The following SNX30 variants were observed in gnomAD, a reference collection of about 807,000 sequenced individuals.
SNX30 encodes sorting nexin family member 30.
Under a neutral mutation model 46.4 loss-of-function variants are expected in SNX30, and 24 were observed. The observed-to-expected ratio is 0.52, with a 90% CI of 0.37 to 0.73. The LOEUF (loss-of-function observed/expected upper bound fraction) is 0.73. SNX30 is among the 30% of genes least tolerant of loss of function. The pLI is 0.00. For missense variants in SNX30, 533 were observed against 555.7 expected (o/e 0.96, Z 0.41); for synonymous variants, 189 against 211.5 (o/e 0.89, Z 0.92).
chr9:112,823,567 A>G (rs1840537643), intron 3 of SNX30, among the ~76,000 whole-genome samples: 1 of 152,170 alleles, frequency 6.6e-6, no homozygotes, highest in African/African-American at 2.4e-5. Flanking sequence ...TTGAATAAAC[A>G]CTTGAGTGTT....
At chr9:112,791,041 A>G (rs1840011134) in intron 1 of SNX30, among the ~76,000 whole-genome samples, 1 of 152,062 alleles carries the variant, frequency 6.6e-6, no homozygotes, top group Non-Finnish European at 1.5e-5. Flanking sequence ...TACATTTTTT[A>G]TTGTTTTATT....
At chr9:112,797,576 T>C (rs1054245055) in intron 1 of SNX30, among the ~76,000 whole-genome samples, 3 of 152,116 alleles carry the variant, frequency 2.0e-5, no homozygotes, top group Non-Finnish European at 4.4e-5. Context: ...GATTCCTTAA[T>C]ATCAATATTC....
At chr9:112,818,720 T>C (rs1840444114) in intron 3 of SNX30, among the ~76,000 whole-genome samples, 1 of 152,190 alleles carries the variant, frequency 6.6e-6, no homozygotes, top group Admixed American at 6.5e-5. Flanking sequence ...CTACCAACTT[T>C]CTGTTACTAC....
intron 3 of SNX30, among the ~76,000 whole-genome samples, chr9:112,822,015 G>A (rs1840506814): frequency 6.6e-6 from 1 of 152,074 alleles, no homozygotes; most frequent in South Asian, 2.1e-4. Context: ...TTGGGCTCAA[G>A]TGATCTTCCC....
At chr9:112,750,325 A>G (rs568440216), upstream of SNX30, 3 of 152,056 alleles carry the variant, frequency 2.0e-5, no homozygotes, top group Non-Finnish European at 4.4e-5. Flanking sequence ...CCTTTATGCT[A>G]TTCTTCCGAT....
At chr9:112,796,667 T>C (rs1840113261) in intron 1 of SNX30, among the ~76,000 whole-genome samples, 1 of 152,142 alleles carries the variant, frequency 6.6e-6, no homozygotes, top group Non-Finnish European at 1.5e-5. Flanking sequence ...ATTACAGTTT[T>C]TTTGATATTG....
intron 7 of SNX30, among the ~76,000 whole-genome samples, chr9:112,856,419 G>C: frequency 6.7e-6 from 1 of 149,854 alleles, no homozygotes; most frequent in Non-Finnish European, 1.5e-5. Flanking sequence ...GTGTGTGTGG[G>C]GTATGTAGTG....
intron 2 of SNX30, among the ~76,000 whole-genome samples, chr9:112,806,921 TC>T (rs1296238763): frequency 6.6e-6 from 1 of 152,200 alleles, no homozygotes; most frequent in East Asian, 1.9e-4. Context: ...CTTTCCATGT[TC>T]ATATGACCAT....
Position 112,805,896 on chromosome 9 carries a change from G to A in SNX30, c.348+929G>A, listed in dbSNP as rs200311414. On this transcript the variant is annotated intron_variant, in intron 2 of 8. Transcript: ENST00000374232. Reference sequence around the variant, plus strand: ...GTAACCAGGATTCTAATTTGAATTTGTAGGACTATACAGCCTATATTTTAA... The same window carrying A: ...GTAACCAGGATTCTAATTTGAATTTATAGGACTATACAGCCTATATTTTAA... 1.4e-4 allele frequency among the ~76,000 whole-genome samples: 21 copies of A among 152,334 alleles called. No homozygotes were observed. The East Asian group carries it at 4.0e-3, about 29-fold the overall frequency.
downstream of SNX30, chr9:112,885,428 A>G (rs1321253807): frequency 4.9e-5 from 4 of 81,544 alleles, no homozygotes; most frequent in Admixed American, 1.7e-4. Context: ...GTGTGTGTAT[A>G]TATATATATG....
At position 112,774,483 on chromosome 9, in the gene SNX30, A is replaced by G. The variant is rs143744395; in HGVS notation, c.156+23326A>G. On this transcript the variant is annotated intron_variant, in intron 1 of 8. Transcript: ENST00000374232. ...AGAATAGACAAATTCCTAGAAAGAC[A>G]CAAATAAAGCTGCCGTGATCATTCA... Among the ~76,000 whole-genome samples the G allele has an allele frequency of 1.4e-3, 220 of 152,350 alleles. 1 individual carries two copies. The highest frequency in any genetic ancestry group is 6.8e-3 in the Middle Eastern group (2 of 294).
chr9:112,772,639 C>T (rs890999270), intron 1 of SNX30, among the ~76,000 whole-genome samples: 1 of 152,124 alleles, frequency 6.6e-6, no homozygotes, highest in Non-Finnish European at 1.5e-5. Context: ...CATTCAAATT[C>T]TCTTAGATTT....
At position 112,822,826 on chromosome 9, in the gene SNX30, C is replaced by T. The variant is rs368463995; in HGVS notation, c.459+5011C>T. Among the ~76,000 whole-genome samples the T allele has an allele frequency of 3.4e-4, 52 of 152,212 alleles. No individual in the cohort carries two copies. The South Asian group carries it at 3.5e-3, about 10-fold the overall frequency. On this transcript the variant is annotated intron_variant, in intron 3 of 8. Transcript: ENST00000374232. ...GCCTAGGACATAAATTATCTTTGTCCGGTGTATCCACGCTGTAGACATTGC... is the reference window on the plus strand; with the variant it reads ...GCCTAGGACATAAATTATCTTTGTCTGGTGTATCCACGCTGTAGACATTGC...
intron 1 of SNX30, among the ~76,000 whole-genome samples, chr9:112,793,487 C>A (rs1346850319): frequency 6.6e-6 from 1 of 152,216 alleles, no homozygotes; most frequent in Non-Finnish European, 1.5e-5. Context: ...GCAGCCAACT[C>A]CTTGGTGGTC....
intron 5 of SNX30, among the ~76,000 whole-genome samples, chr9:112,837,176 G>A (rs1464227544): frequency 6.6e-6 from 1 of 152,064 alleles, no homozygotes; most frequent in Non-Finnish European, 1.5e-5. Context: ...ACAAATGATG[G>A]GCCAGATTTT....
At chr9:112,768,080 A>C (rs1839575473) in intron 1 of SNX30, among the ~76,000 whole-genome samples, 1 of 152,150 alleles carries the variant, frequency 6.6e-6, no homozygotes, top group Non-Finnish European at 1.5e-5. Flanking sequence ...GATCATTCCC[A>C]TCTTTGGAGA....
chr9:112,789,238 GA>G (rs1839980765), intron 1 of SNX30, among the ~76,000 whole-genome samples: 1 of 152,190 alleles, frequency 6.6e-6, no homozygotes, highest in African/African-American at 2.4e-5. Context: ...AGCAGAGGAA[GA>G]ATTTTTGTGT....
chr9:112,830,683 A>G (rs778943379), intron 3 of SNX30, 42 bp from the exon 4 acceptor site: 3 of 1,579,806 alleles, frequency 1.9e-6, no homozygotes, highest in South Asian at 2.4e-5. Context: ...TCCTTGCACC[A>G]TCTCATCAAT....
At chr9:112,839,569 C>T (rs993711193) in intron 6 of SNX30, among the ~76,000 whole-genome samples, 4 of 152,144 alleles carry the variant, frequency 2.6e-5, no homozygotes, top group Non-Finnish European at 2.9e-5. Context: ...GAAACTTCCC[C>T]GGCCTGCACA....
Sources: allele counts gnomAD v4.1 joint callset (sites outside exome capture counted in the v4.1 genomes callset), GRCh38; gene constraint gnomAD v4.1.1; transcripts MANE v1.5; gene names NCBI Gene and HGNC (gene_info 2026-07-23, HGNC 2026-07-21).